Variants in PLXNC1 observed in about 807,000 individuals in gnomAD.
PLXNC1 encodes the protein plexin C1.
In PLXNC1, 75 loss-of-function variants were observed where a neutral mutation model predicts 178.2. That is an observed-to-expected ratio of 0.42 (90% CI 0.35 to 0.51). The LOEUF (loss-of-function observed/expected upper bound fraction) is 0.51, where lower values mean the gene tolerates loss of function less well. Ranked by LOEUF, PLXNC1 falls within the 20% of genes least tolerant of loss-of-function variation. PLXNC1 has a pLI of 0.02. For synonymous variants in PLXNC1, 790 were observed against 779.9 expected (o/e 1.01, Z -0.22); for missense variants, 1,503 against 1,984.4 (o/e 0.76, Z 4.61).
chr12:94,280,090 G>T, intron 22 of PLXNC1: 3 of 327,718 alleles, frequency 9.2e-6, no homozygotes, highest in Non-Finnish European at 1.8e-5. Flanking sequence ...ACTCTAGCCT[G>T]CTAGAAAGGT....
In PLXNC1 at chr12:94,182,579, G is replaced by A. The variant is rs187951837; in HGVS notation, c.1338+999G>A. Among the ~76,000 whole-genome samples the A allele has an allele frequency of 5.0e-4, 76 of 151,978 alleles. No individual in the cohort carries two copies. In the East Asian group the frequency reaches 9.5e-3, roughly 19 times the overall value. ...TCTCCACTAAAAATACAAACAATTA[G>A]CTGGGCGTGGTGGTGCATGCCTGTA... On this transcript the variant is annotated intron_variant, in intron 3 of 30. Transcript: ENST00000258526.
intron 7 of PLXNC1, among the ~76,000 whole-genome samples, chr12:94,224,871 A>T (rs1963895824): frequency 6.6e-6 from 1 of 152,208 alleles, no homozygotes; most frequent in African/African-American, 2.4e-5. Flanking sequence ...GGCGCCCCGC[A>T]TTCCAGTCTG....
chr12:94,298,822 T>C (rs766598524), intron 27 of PLXNC1, 27 bp downstream of exon 27: 1 of 1,592,110 alleles, frequency 6.3e-7, no homozygotes, highest in South Asian at 1.1e-5. Flanking sequence ...TTAGTGACTG[T>C]TTTCAAGAAT....
At position 94,177,217 on chromosome 12, in the gene PLXNC1, G is replaced by C. The variant is rs1420437691; in HGVS notation, c.1204-4229G>C. Among the ~76,000 whole-genome samples, 10 of 80,966 alleles carry C rather than the reference G, an allele frequency of 1.2e-4. No individual in the cohort carries two copies. The South Asian group carries it at 4.5e-3, about 36-fold the overall frequency. The allele number at this position is 80,966 out of a possible 152,430, so 53.1% of individuals were successfully genotyped here. On this transcript the variant is annotated intron_variant, in intron 2 of 30. Transcript: ENST00000258526. ...TATATATACGTATATATATATGTGT[G>C]TGTATATATATACATATATATATAT...
intron 3 of PLXNC1, among the ~76,000 whole-genome samples, chr12:94,184,125 C>T (rs112060543): frequency 0.2 from 1,507 of 7,600 alleles, 6 homozygotes; most frequent in East Asian, 0.28. Context: ...CTCTCTCTCT[C>T]TTTTTTTTTT....
intron 15 of PLXNC1, among the ~76,000 whole-genome samples, chr12:94,252,807 A>G (rs1330502118): frequency 1.3e-5 from 2 of 152,170 alleles, no homozygotes; most frequent in African/African-American, 4.8e-5. Context: ...TAACTCATCT[A>G]TGTACCTGAT....
chr12:94,160,261 G>C (rs1218782056), intron 1 of PLXNC1, among the ~76,000 whole-genome samples: 1 of 152,172 alleles, frequency 6.6e-6, no homozygotes, highest in Non-Finnish European at 1.5e-5. Flanking sequence ...CCCTCAGTAA[G>C]TGTTTCTAGA....
At chr12:94,176,587 T>A (rs1414585348) in intron 2 of PLXNC1, among the ~76,000 whole-genome samples, 1 of 152,238 alleles carries the variant, frequency 6.6e-6, no homozygotes, top group East Asian at 1.9e-4. Context: ...ATTTTTAAAT[T>A]TAAATGTTAT....
At chr12:94,224,440 G>C (rs1592783152) in intron 7 of PLXNC1, 125 bp downstream of exon 7, 4 of 678,440 alleles carry the variant, frequency 5.9e-6, no homozygotes, top group Non-Finnish European at 1.1e-5. Flanking sequence ...TTTGAAGCAT[G>C]GTGTAATGGG....
intron 22 of PLXNC1, chr12:94,281,939 A>G (rs1966472283): frequency 1.2e-5 from 3 of 248,272 alleles, no homozygotes; most frequent in East Asian, 1.1e-4. Context: ...GCCTACAGAG[A>G]TGGTTCATAT....
At chr12:94,212,118 C>T (rs1963488611) in intron 5 of PLXNC1, among the ~76,000 whole-genome samples, 1 of 151,300 alleles carries the variant, frequency 6.6e-6, no homozygotes, top group South Asian at 2.1e-4. Flanking sequence ...ACTAAAAATA[C>T]AAAAAATTAG....
chr12:94,257,764 A>C (rs189566230), intron 17 of PLXNC1, among the ~76,000 whole-genome samples: 1 of 152,048 alleles, frequency 6.6e-6, no homozygotes, highest in Non-Finnish European at 1.5e-5. Flanking sequence ...AAAATTAGCC[A>C]GGCATGGTGG....
intron 1 of PLXNC1, among the ~76,000 whole-genome samples, chr12:94,159,663 T>C (rs1201319328): frequency 1.3e-5 from 2 of 152,276 alleles, no homozygotes; most frequent in East Asian, 3.9e-4. Flanking sequence ...GGAAGGAGAT[T>C]AGATTTTCTT....
intron 21 of PLXNC1, among the ~76,000 whole-genome samples, chr12:94,276,613 C>T (rs1325528520): frequency 6.6e-6 from 1 of 152,194 alleles, no homozygotes; most frequent in Non-Finnish European, 1.5e-5. Flanking sequence ...AGTTACTCAG[C>T]CCCTCTGTGC....
intron 5 of PLXNC1, among the ~76,000 whole-genome samples, chr12:94,218,921 C>G (rs1195269999): frequency 6.6e-6 from 1 of 152,144 alleles, no homozygotes; most frequent in Non-Finnish European, 1.5e-5. Context: ...CACCTAGGAT[C>G]ATCAAGGCAC....
At chr12:94,250,507 A>G (rs1333155704) in intron 14 of PLXNC1, among the ~76,000 whole-genome samples, 2 of 152,164 alleles carry the variant, frequency 1.3e-5, no homozygotes, top group Non-Finnish European at 2.9e-5. Flanking sequence ...TCCTCCAGCT[A>G]CTGTGCTCAG....
intron 4 of PLXNC1, among the ~76,000 whole-genome samples, chr12:94,203,561 G>A (rs1238551163): frequency 7.9e-5 from 12 of 152,120 alleles, no homozygotes; most frequent in Admixed American, 6.5e-4. Flanking sequence ...TTGTGATGTC[G>A]CTGCCCTGGA....
At chr12:94,273,683 G>C (rs902552629) in intron 21 of PLXNC1, among the ~76,000 whole-genome samples, 1 of 152,134 alleles carries the variant, frequency 6.6e-6, no homozygotes, top group African/African-American at 2.4e-5. Context: ...CAAGCAGGAT[G>C]AGTACAGGTT....
intron 14 of PLXNC1, among the ~76,000 whole-genome samples, chr12:94,249,926 A>AGTGTGGGG (rs1293755769): frequency 2.6e-4 from 3 of 11,604 alleles, no homozygotes; most frequent in Non-Finnish European, 3.8e-4. Flanking sequence ...AAAAAGCACC[A>AGTGTGGGG]GTGTGGGGGG....
Sources: gnomAD v4.1 joint callset for allele counts (sites outside exome capture counted in the v4.1 genomes callset) on GRCh38, gnomAD v4.1.1 for gene constraint, MANE v1.5 for transcripts, NCBI Gene and HGNC (gene_info 2026-07-23, HGNC 2026-07-21) for gene names.